Variants in COL6A6 observed in about 807,000 individuals in gnomAD.
COL6A6 encodes collagen alpha-6(VI) chain.
In COL6A6, 183 loss-of-function variants were observed where a neutral mutation model predicts 208.6. That is an observed-to-expected ratio of 0.88 (90% CI 0.78 to 0.99). COL6A6 has a LOEUF of 0.99. Ranked by LOEUF, COL6A6 falls within the 50% of genes least tolerant of loss-of-function variation. The probability of loss-of-function intolerance (pLI) is 0.00; values close to 1 mark genes in which losing one functional copy is unlikely to be tolerated. For synonymous variants in COL6A6, 973 were observed against 1,011.8 expected (o/e 0.96, Z 0.73); for missense variants, 2,816 against 2,815.2 (o/e 1.00, Z -0.01).
intron 7 of COL6A6, 66 bp from the exon 8 acceptor site, chr3:130,573,890 T>A: frequency 8.3e-7 from 1 of 1,203,874 alleles, no homozygotes. Flanking sequence ...ACATTGAATT[T>A]ACTCTTGGTG....
chr3:130,532,444 A>G (rs1448625452), intron 1 of COL6A6, among the ~76,000 whole-genome samples: 3 of 152,192 alleles, frequency 2.0e-5, no homozygotes, highest in South Asian at 2.1e-4. Context: ...TGCGTCCCCA[A>G]TCAGACTCTG....
At chr3:130,564,355 T>C (rs1456916368) in intron 3 of COL6A6, among the ~76,000 whole-genome samples, 1 of 152,224 alleles carries the variant, frequency 6.6e-6, no homozygotes, top group Non-Finnish European at 1.5e-5. Flanking sequence ...CAAGAGTTGG[T>C]GATCATCATT....
chr3:130,563,218 G>A lies in COL6A6; in HGVS notation c.215G>A (p.Ser72Asn), dbSNP rs1160550418. ...DKYRVALAQY[S>N]DKLHSEFHLS... ...TACCGTGTGGCCCTGGCCCAGTACAGTGATAAACTTCACAGTGAATTCCAC... is the reference window on the plus strand; with the variant it reads ...TACCGTGTGGCCCTGGCCCAGTACAATGATAAACTTCACAGTGAATTCCAC... Residue 72 changes from serine to asparagine, a missense_variant, in exon 3 of 37, where the codon AGT (serine) becomes AAT (asparagine). Coordinates refer to ENST00000358511, the MANE Select transcript of COL6A6 (RefSeq NM_001102608.3). 26 of 1,613,902 alleles carry A rather than the reference G, an allele frequency of 1.6e-5. No individual in the cohort carries two copies. Among genetic ancestry groups the A allele is most frequent in the Non-Finnish European group, 2.2e-5 (26 of 1,179,894 alleles).
At chr3:130,622,195 C>A (rs2064741555) in intron 24 of COL6A6, among the ~76,000 whole-genome samples, 1 of 140,090 alleles carries the variant, frequency 7.1e-6, no homozygotes, top group Non-Finnish European at 1.5e-5. Context: ...AATTTCCTCC[C>A]CCCGCCTACC....
intron 1 of COL6A6, among the ~76,000 whole-genome samples, chr3:130,522,703 G>A (rs1711141778): frequency 1.3e-5 from 2 of 152,044 alleles, no homozygotes. Flanking sequence ...CCTGCGAATG[G>A]CACAACCCAG....
At chr3:130,607,048 C>A in intron 21 of COL6A6, 82 bp downstream of exon 21, 1 of 1,097,248 alleles carries the variant, frequency 9.1e-7, no homozygotes, top group South Asian at 1.6e-5. Context: ...TGTAAAGTCT[C>A]TAAACTTCCC....
At chr3:130,644,557 CATAT>C (rs1466590611) in intron 31 of COL6A6, among the ~76,000 whole-genome samples, 2 of 152,050 alleles carry the variant, frequency 1.3e-5, no homozygotes, top group African/African-American at 2.4e-5. Flanking sequence ...ATAGTATACA[CATAT>C]ATACTATACA....
At chr3:130,642,320 T>C (rs1012632525) in intron 29 of COL6A6, among the ~76,000 whole-genome samples, 5 of 151,534 alleles carry the variant, frequency 3.3e-5, no homozygotes, top group Admixed American at 2.0e-4. Context: ...TGAGATAACC[T>C]TTCCAGATGT....
At chr3:130,519,389 C>A (rs1446809152) in intron 1 of COL6A6, among the ~76,000 whole-genome samples, 1 of 152,142 alleles carries the variant, frequency 6.6e-6, no homozygotes, top group African/African-American at 2.4e-5. Context: ...AAAAGTGATC[C>A]AGACTAATGA....
At chr3:130,590,281 A>T (rs1163753140) in intron 12 of COL6A6, among the ~76,000 whole-genome samples, 4 of 15,458 alleles carry the variant, frequency 2.6e-4, no homozygotes, top group Admixed American at 7.6e-4. Context: ...ATATATATAT[A>T]TATATATATA....
intron 1 of COL6A6, among the ~76,000 whole-genome samples, chr3:130,522,908 G>A (rs1006866738): frequency 3.3e-5 from 5 of 150,270 alleles, no homozygotes; most frequent in African/African-American, 1.2e-4. Flanking sequence ...GCCTCCTAGT[G>A]CCCCTCCCTG....
chr3:130,643,384 G>C (rs960934930), intron 31 of COL6A6, among the ~76,000 whole-genome samples: 2 of 152,132 alleles, frequency 1.3e-5, no homozygotes, highest in African/African-American at 4.8e-5. Flanking sequence ...AATTCACCTG[G>C]CATGAAAGAA....
chr3:130,655,707 AT>A lies in COL6A6; in HGVS notation c.5734-2966del, dbSNP rs2108434720. Among the ~76,000 whole-genome samples, 3 of 152,340 alleles carry A rather than the reference AT, an allele frequency of 2.0e-5. No homozygotes were observed. In the South Asian group the frequency reaches 6.2e-4, roughly 32 times the overall value. On this transcript the variant is annotated intron_variant, in intron 33 of 36. Coordinates refer to ENST00000358511, the MANE Select transcript of COL6A6 (RefSeq NM_001102608.3). ...AGGCAAGTTAAATTTTGCAGAGTTT[AT>A]TTGCACTAAGAGCTATTTGTAAATC...
chr3:130,672,695 C>T (rs577642889), intron 36 of COL6A6, among the ~76,000 whole-genome samples: 166 of 151,714 alleles, frequency 1.1e-3, no homozygotes, highest in African/African-American at 3.5e-3. Context: ...TGAGCCACCG[C>T]GCCCGGCCCA....
At chr3:130,566,299 CT>C (rs1355244081) in intron 4 of COL6A6, among the ~76,000 whole-genome samples, 2 of 152,290 alleles carry the variant, frequency 1.3e-5, no homozygotes, top group East Asian at 3.9e-4. Flanking sequence ...AAATAATTTG[CT>C]CAAGAGAGTT....
At chr3:130,599,702 A>G in intron 19 of COL6A6, 55 bp from the exon 20 acceptor site, 1 of 1,584,160 alleles carries the variant, frequency 6.3e-7, no homozygotes, top group Non-Finnish European at 8.7e-7. Flanking sequence ...TGTTAAAGAG[A>G]AACTCTGTCA....
chr3:130,601,777 A>T lies in COL6A6; in HGVS notation c.4653+1967A>T, dbSNP rs563736436. 3.7e-4 allele frequency among the ~76,000 whole-genome samples: 57 copies of T among 152,234 alleles called. 1 individual carries two copies. Among genetic ancestry groups the T allele is most frequent in the Non-Finnish European group, 7.1e-4 (48 of 68,028 alleles). On this transcript the variant is annotated intron_variant, in intron 20 of 36. Transcript: ENST00000358511. ...TCTTACGTGCATCTCACCAAAAGCA[A>T]CAAAAGAAATTAAAAATGGCGAAAC...
intron 1 of COL6A6, among the ~76,000 whole-genome samples, chr3:130,539,589 C>T (rs956310961): frequency 2.7e-5 from 4 of 149,918 alleles, no homozygotes; most frequent in Non-Finnish European, 5.9e-5. Context: ...AGCCAAGTCG[C>T]GTCACTGCAC....
intron 23 of COL6A6, among the ~76,000 whole-genome samples, chr3:130,617,158 A>G (rs2064555625): frequency 6.6e-6 from 1 of 152,200 alleles, no homozygotes; most frequent in Non-Finnish European, 1.5e-5. Flanking sequence ...GTGGTCCATT[A>G]GCCATTCCTT....
Sources: gnomAD v4.1 joint callset for allele counts (sites outside exome capture counted in the v4.1 genomes callset) on GRCh38, gnomAD v4.1.1 for gene constraint, MANE v1.5 for transcripts, NCBI Gene and HGNC (gene_info 2026-07-23, HGNC 2026-07-21) for gene names.